Variants in NEGR1 observed in about 807,000 individuals in gnomAD.
The protein encoded by NEGR1 is IgLON family member 4.
NEGR1 carries 10 observed loss-of-function variants against 40.9 expected under a neutral mutation model. The observed-to-expected ratio is 0.24, with a 90% confidence interval of 0.15 to 0.42. The LOEUF (loss-of-function observed/expected upper bound fraction) is 0.42. NEGR1 is among the 10% of genes least tolerant of loss of function. NEGR1 has a pLI of 1.00. For synonymous variants in NEGR1, 185 were observed against 166.8 expected (o/e 1.11, Z -0.84); for missense variants, 352 against 438.9 (o/e 0.80, Z 1.77).
At chr1:72,094,855 G>A (rs897528021) in intron 1 of NEGR1, among the ~76,000 whole-genome samples, 4 of 152,266 alleles carry the variant, frequency 2.6e-5, no homozygotes, top group Middle Eastern at 3.4e-3. Context: ...CAAACAAAAT[G>A]TTGGATGTAT....
chr1:72,254,251 A>G (rs1271380916), intron 1 of NEGR1, among the ~76,000 whole-genome samples: 1 of 152,192 alleles, frequency 6.6e-6, no homozygotes, highest in East Asian at 1.9e-4. Flanking sequence ...GTCCTAGTAG[A>G]ACTGTATGTA....
rs184279198 is a variant in NEGR1 at position 71,524,007 on chromosome 1, T to G, written c.940+68810A>C. Reference sequence around the variant, plus strand: ...TTCATTTAAACAATTTTTTTTCATTTTCTGTTTGCTTTTGCTATTTCAAAA... The same window carrying G: ...TTCATTTAAACAATTTTTTTTCATTGTCTGTTTGCTTTTGCTATTTCAAAA... On this transcript the variant is annotated intron_variant, in intron 6 of 6. Transcript: ENST00000357731. Among the ~76,000 whole-genome samples the G allele has an allele frequency of 4.6e-3, 701 of 151,914 alleles. 3 individuals carry two copies. Among genetic ancestry groups the G allele is most frequent in the African/African-American group, 0.016 (682 of 41,504 alleles).
intron 1 of NEGR1, among the ~76,000 whole-genome samples, chr1:72,205,512 T>C (rs1427424180): frequency 2.0e-5 from 3 of 150,786 alleles, no homozygotes; most frequent in South Asian, 2.1e-4. Flanking sequence ...CTTGTTATAG[T>C]CTTCTAAGAT....
At chr1:71,492,063 A>T (rs887637187) in intron 6 of NEGR1, among the ~76,000 whole-genome samples, 1 of 152,116 alleles carries the variant, frequency 6.6e-6, no homozygotes, top group Admixed American at 6.6e-5. Context: ...TCTTGGAAGC[A>T]GCAATGAAGC....
chr1:71,842,457 C>G (rs918770009), intron 2 of NEGR1, among the ~76,000 whole-genome samples: 2 of 152,072 alleles, frequency 1.3e-5, no homozygotes, highest in Admixed American at 1.3e-4. Flanking sequence ...CTCCTTAAGT[C>G]TAGGATCTTA....
intron 6 of NEGR1, among the ~76,000 whole-genome samples, chr1:71,554,637 A>G (rs1283811323): frequency 6.6e-6 from 1 of 151,550 alleles, no homozygotes; most frequent in Non-Finnish European, 1.5e-5. Flanking sequence ...CTATTCCTGA[A>G]TAGGATGTCT....
intron 2 of NEGR1, among the ~76,000 whole-genome samples, chr1:71,857,283 T>A (rs1659802194): frequency 6.6e-6 from 1 of 151,660 alleles, no homozygotes; most frequent in East Asian, 1.9e-4. Flanking sequence ...TTTGTTGTAA[T>A]TTTCCTGAGC....
chr1:72,115,130 T>G (rs1649532098), intron 1 of NEGR1, among the ~76,000 whole-genome samples: 1 of 151,716 alleles, frequency 6.6e-6, no homozygotes, highest in Non-Finnish European at 1.5e-5. Context: ...TTTATGTCAG[T>G]GTGAGGCAAA....
intron 6 of NEGR1, among the ~76,000 whole-genome samples, chr1:71,466,076 A>T (rs1646743579): frequency 6.6e-6 from 1 of 151,988 alleles, no homozygotes; most frequent in Non-Finnish European, 1.5e-5. Context: ...GACCACTTAA[A>T]TTATTTGAAT....
chr1:72,226,002 C>A (rs1654179347), intron 1 of NEGR1, among the ~76,000 whole-genome samples: 2 of 151,704 alleles, frequency 1.3e-5, no homozygotes, highest in South Asian at 4.1e-4. Flanking sequence ...AGACAAAAAA[C>A]TTCAGAAGAT....
chr1:71,990,692 A>C (rs777851375), intron 1 of NEGR1, among the ~76,000 whole-genome samples: 10 of 152,118 alleles, frequency 6.6e-5, no homozygotes, highest in Non-Finnish European at 1.5e-4. Flanking sequence ...CCAAAGCGAC[A>C]GATTACATTA....
chr1:72,202,084 G>T (rs1557576237), intron 1 of NEGR1, among the ~76,000 whole-genome samples: 3 of 151,840 alleles, frequency 2.0e-5, no homozygotes, highest in African/African-American at 7.3e-5. Context: ...AATTCCTGCG[G>T]TAAGTCAAAC....
At chr1:71,945,021 CTT>C (rs1646004878) in intron 1 of NEGR1, among the ~76,000 whole-genome samples, 2 of 152,094 alleles carry the variant, frequency 1.3e-5, no homozygotes, top group South Asian at 4.2e-4. Flanking sequence ...AAAAATTAAA[CTT>C]TATATTTTTG....
At chr1:71,728,021 G>C (rs965865996) in intron 3 of NEGR1, among the ~76,000 whole-genome samples, 2 of 152,120 alleles carry the variant, frequency 1.3e-5, no homozygotes, top group African/African-American at 4.8e-5. Context: ...CATAAGCCTG[G>C]ACCATTCAAT....
intron 3 of NEGR1, among the ~76,000 whole-genome samples, chr1:71,775,948 G>A (rs139710035): frequency 2.3e-4 from 35 of 151,476 alleles, no homozygotes; most frequent in East Asian, 1.2e-3. Flanking sequence ...AGACCGGTTC[G>A]CGCCACTGAG....
chr1:71,664,014 G>A (rs1330331657), intron 4 of NEGR1, among the ~76,000 whole-genome samples: 2 of 152,178 alleles, frequency 1.3e-5, no homozygotes, highest in African/African-American at 2.4e-5. Context: ...ATCCTTAAAT[G>A]TCAAAATAAG....
intron 4 of NEGR1, among the ~76,000 whole-genome samples, chr1:71,662,597 T>C (rs1027258061): frequency 4.6e-5 from 7 of 152,034 alleles, no homozygotes; most frequent in African/African-American, 1.2e-4. Flanking sequence ...AATTACCCTG[T>C]CCATCAGAAG....
chr1:71,785,337 G>A (rs868388809), intron 2 of NEGR1, among the ~76,000 whole-genome samples: 1 of 152,162 alleles, frequency 6.6e-6, no homozygotes, highest in Non-Finnish European at 1.5e-5. Flanking sequence ...ATACCTTACA[G>A]CACACTAATG....
intron 2 of NEGR1, among the ~76,000 whole-genome samples, chr1:71,834,462 T>C (rs495656): frequency 0.48 from 56,808 of 118,250 alleles, 11,358 homozygotes; most frequent in East Asian, 0.69. Context: ...CCCCACCCCC[T>C]GCCAACCATT....
Sources: allele counts gnomAD v4.1 joint callset (sites outside exome capture counted in the v4.1 genomes callset), GRCh38; gene constraint gnomAD v4.1.1; transcripts MANE v1.5; gene names NCBI Gene and HGNC (gene_info 2026-07-23, HGNC 2026-07-21).